The following LCOR variants were observed in gnomAD, a reference collection of about 807,000 sequenced individuals.
LCOR encodes the protein ligand-dependent corepressor.
Under a neutral mutation model 64.4 loss-of-function variants are expected in LCOR, and 14 were observed. The observed-to-expected ratio is 0.22, with a 90% CI of 0.14 to 0.34. The LOEUF is 0.34. Among genes scored for constraint, LCOR ranks in the 10% least tolerant of loss-of-function variants. The pLI is 1.00. For missense variants in LCOR, 1,686 were observed against 1,765.3 expected (o/e 0.96, Z 0.80); for synonymous variants, 643 against 642.5 (o/e 1.00, Z -0.01).
intron 4 of LCOR, among the ~76,000 whole-genome samples, chr10:96,935,284 A>G (rs532597472): frequency 5.5e-4 from 83 of 151,228 alleles, no homozygotes; most frequent in African/African-American, 2.0e-3. Context: ...GAGTAGCTAG[A>G]ATTACAGGTA....
At chr10:96,965,184 C>G (rs1254359340) in intron 7 of LCOR, among the ~76,000 whole-genome samples, 1 of 150,680 alleles carries the variant, frequency 6.6e-6, no homozygotes, top group East Asian at 2.0e-4. Flanking sequence ...AATTTTTTTG[C>G]ATTTTTAGTA....
chr10:96,919,533 A>G (rs1027885501), intron 4 of LCOR, among the ~76,000 whole-genome samples: 2 of 151,974 alleles, frequency 1.3e-5, no homozygotes, highest in Admixed American at 6.6e-5. Context: ...AACATTTACT[A>G]TCTTAACCAT....
intron 2 of LCOR, among the ~76,000 whole-genome samples, chr10:96,850,302 C>T (rs1478387724): frequency 1.3e-5 from 2 of 152,006 alleles, no homozygotes; most frequent in Non-Finnish European, 2.9e-5. Flanking sequence ...GTAATCTTCG[C>T]ACTTTGGGAG....
At chr10:96,848,908 C>T (rs1039772360) in intron 2 of LCOR, among the ~76,000 whole-genome samples, 1 of 150,998 alleles carries the variant, frequency 6.6e-6, no homozygotes, top group African/African-American at 2.4e-5. Context: ...TTTCTTTATA[C>T]TTTTTCCTTG....
intron 4 of LCOR, among the ~76,000 whole-genome samples, chr10:96,927,378 A>G (rs1338868872): frequency 6.6e-6 from 1 of 152,074 alleles, no homozygotes; most frequent in African/African-American, 2.4e-5. Context: ...TATATTTTGT[A>G]TAAACCCTTT....
At chr10:96,970,752 C>T (rs936733742) in intron 7 of LCOR, among the ~76,000 whole-genome samples, 32 of 151,646 alleles carry the variant, frequency 2.1e-4, no homozygotes, top group African/African-American at 7.3e-4. Context: ...CTCTGCCTCC[C>T]GAGTTCAAGT....
intron 4 of LCOR, among the ~76,000 whole-genome samples, chr10:96,931,964 T>G (rs1847269261): frequency 6.6e-6 from 1 of 152,182 alleles, no homozygotes; most frequent in Admixed American, 6.5e-5. Flanking sequence ...TATAATGCTA[T>G]TGTGATCAAA....
At chr10:96,977,377 A>G (rs1848047651) in intron 7 of LCOR, among the ~76,000 whole-genome samples, 1 of 152,238 alleles carries the variant, frequency 6.6e-6, no homozygotes, top group Non-Finnish European at 1.5e-5. Flanking sequence ...TTAGGAAGTC[A>G]GACTTAGTTA....
At position 96,883,215 on chromosome 10, in the gene LCOR, G is replaced by A. The variant is rs373093316; in HGVS notation, c.-329-24050G>A. ...CCCCCAGCTAATTTTTGTATTTTTA[G>A]TAGAGATGGGGTTTCACCATGTTGG... On this transcript the variant is annotated intron_variant, in intron 2 of 7. Transcript: ENST00000421806. 2.6e-5 allele frequency among the ~76,000 whole-genome samples: 4 copies of A among 152,240 alleles called. No homozygotes were observed. The East Asian group carries it at 7.7e-4, about 29-fold the overall frequency.
intron 2 of LCOR, among the ~76,000 whole-genome samples, chr10:96,838,638 A>C (rs560832555): frequency 3.9e-4 from 59 of 152,328 alleles, no homozygotes; most frequent in African/African-American, 1.4e-3. Context: ...AGATTCATTC[A>C]TGTTGTAGCA....
At chr10:96,978,142 C>T (rs1171674170) in intron 7 of LCOR, among the ~76,000 whole-genome samples, 1 of 152,196 alleles carries the variant, frequency 6.6e-6, no homozygotes, top group Non-Finnish European at 1.5e-5. Flanking sequence ...TGGGGTCCTT[C>T]AGCAGGGGCC....
chr10:96,922,622 T>G (rs1397314738), intron 4 of LCOR, among the ~76,000 whole-genome samples: 1 of 152,182 alleles, frequency 6.6e-6, no homozygotes, highest in Non-Finnish European at 1.5e-5. Flanking sequence ...TAGTATAAAC[T>G]TTGAATTTCC....
intron 2 of LCOR, among the ~76,000 whole-genome samples, chr10:96,879,039 GC>G (rs538023607): frequency 3.3e-3 from 500 of 152,118 alleles, no homozygotes; most frequent in African/African-American, 0.011. Context: ...CAAGTGATTC[GC>G]CTGCCTTGAC....
rs1483158818 is a variant in LCOR, at chr10:96,987,724, A to T, written c.*2590A>T. The T allele has an allele frequency of 6.6e-6, 1 of 152,226 alleles. No individual in the cohort carries two copies. Among genetic ancestry groups the T allele is most frequent in the East Asian group, 1.9e-4 (1 of 5,202 alleles). The allele number at this position is 152,226 out of a possible 1,614,324, so 9.4% of individuals were successfully genotyped here. A position where few individuals can be genotyped will look rare whatever the true frequency, so the allele number is the denominator to read the frequency against. On this transcript the variant is annotated 3_prime_UTR_variant, in exon 8 of 8. Coordinates refer to ENST00000421806, the MANE Select transcript of LCOR (RefSeq NM_001346516.2). The stretch of plus-strand genomic sequence containing the variant: ...TGCTGATTCAGTTAATTTTGTTAAT[A>T]GAAGAAAGAAAACAGCAAAACTTGA...
intron 2 of LCOR, among the ~76,000 whole-genome samples, chr10:96,848,854 A>G (rs1200407610): frequency 6.6e-6 from 1 of 151,962 alleles, no homozygotes; most frequent in Non-Finnish European, 1.5e-5. Flanking sequence ...GGATGATAAC[A>G]GTTTTTCATT....
chr10:96,941,444 A>C (rs1253945878), intron 4 of LCOR, among the ~76,000 whole-genome samples: 1 of 122,594 alleles, frequency 8.2e-6, no homozygotes, highest in African/African-American at 3.2e-5. Flanking sequence ...GGACGGGGCG[A>C]CTGGCCGGGC....
At chr10:96,913,547 T>C (rs1846883759) in intron 4 of LCOR, among the ~76,000 whole-genome samples, 1 of 152,214 alleles carries the variant, frequency 6.6e-6, no homozygotes, top group Admixed American at 6.5e-5. Flanking sequence ...TACCAAAATA[T>C]AAAATTAGTT....
intron 2 of LCOR, among the ~76,000 whole-genome samples, chr10:96,849,352 C>T (rs540956806): frequency 2.0e-5 from 3 of 152,062 alleles, no homozygotes; most frequent in East Asian, 1.9e-4. Flanking sequence ...GGATTACAGG[C>T]GTGAGCCACT....
intron 2 of LCOR, among the ~76,000 whole-genome samples, chr10:96,866,114 C>A (rs1237192044): frequency 6.6e-6 from 1 of 152,084 alleles, no homozygotes. Context: ...ACAGTTCATT[C>A]CTTTTTTAGC....
Sources: gnomAD v4.1 joint callset for allele counts (sites outside exome capture counted in the v4.1 genomes callset) on GRCh38, gnomAD v4.1.1 for gene constraint, MANE v1.5 for transcripts, NCBI Gene and HGNC (gene_info 2026-07-23, HGNC 2026-07-21) for gene names.